ADGRL2: variants seen among roughly 807,000 people sequenced by gnomAD.
The protein encoded by ADGRL2 is adhesion G protein-coupled receptor L2.
A neutral mutation model predicts 157.4 loss-of-function variants in ADGRL2; 44 were observed. The observed-to-expected ratio is 0.28, with a 90% CI of 0.22 to 0.36. ADGRL2 has a LOEUF of 0.36. Ranked by LOEUF, ADGRL2 falls within the 10% of genes least tolerant of loss-of-function variation. ADGRL2 has a pLI of 1.00. For missense variants in ADGRL2, 1,510 were observed against 1,768.9 expected (o/e 0.85, Z 2.63); for synonymous variants, 585 against 624.7 (o/e 0.94, Z 0.95).
At chr1:81,604,546 T>G (rs1364372699) in intron 3 of ADGRL2, among the ~76,000 whole-genome samples, 3 of 152,330 alleles carry the variant, frequency 2.0e-5, no homozygotes, top group Admixed American at 2.0e-4. Flanking sequence ...TGTTGAGATT[T>G]TATAAGTGCT....
chr1:81,917,128 C>A (rs552457098), intron 3 of ADGRL2, among the ~76,000 whole-genome samples: 55 of 152,004 alleles, frequency 3.6e-4, no homozygotes, highest in African/African-American at 1.3e-3. Context: ...CCACTCCTGG[C>A]GAGATAATTT....
At chr1:81,360,237 T>C (rs2075954862) in intron 1 of ADGRL2, among the ~76,000 whole-genome samples, 1 of 152,050 alleles carries the variant, frequency 6.6e-6, no homozygotes, top group Admixed American at 6.6e-5. Flanking sequence ...TTGAACTGGC[T>C]ATTTCCTCTG....
intron 3 of ADGRL2, among the ~76,000 whole-genome samples, chr1:81,648,744 C>A (rs150499154): frequency 6.6e-6 from 1 of 152,102 alleles, no homozygotes; most frequent in Non-Finnish European, 1.5e-5. Context: ...TTCATTCTAA[C>A]CAACCCATTT....
At chr1:81,802,664 G>T (rs1410649970) in intron 1 of ADGRL2, among the ~76,000 whole-genome samples, 3 of 152,100 alleles carry the variant, frequency 2.0e-5, no homozygotes, top group African/African-American at 7.2e-5. Context: ...CCTCGGCGGA[G>T]CTTATTTGCT....
At chr1:81,411,322 T>G (rs1438362683) in intron 1 of ADGRL2, among the ~76,000 whole-genome samples, 1 of 152,234 alleles carries the variant, frequency 6.6e-6, no homozygotes, top group Non-Finnish European at 1.5e-5. Flanking sequence ...TTAGCCATTA[T>G]AACAATTTAA....
intron 3 of ADGRL2, among the ~76,000 whole-genome samples, chr1:81,646,840 A>G (rs1477669151): frequency 6.6e-6 from 1 of 152,138 alleles, no homozygotes; most frequent in Non-Finnish European, 1.5e-5. Context: ...CAATTTTCTT[A>G]TTACTTAAAT....
At chr1:81,933,006 A>C (rs1263468059) in intron 3 of ADGRL2, among the ~76,000 whole-genome samples, 1 of 152,086 alleles carries the variant, frequency 6.6e-6, no homozygotes, top group East Asian at 1.9e-4. Context: ...CTGGCCAATA[A>C]TTTGTATTTC....
intron 19 of ADGRL2, 114 bp downstream of exon 19, chr1:81,982,090 A>G (rs1661821972): frequency 7.1e-6 from 6 of 841,402 alleles, no homozygotes; most frequent in Non-Finnish European, 8.7e-6. Flanking sequence ...AGAGCATTAT[A>G]TTTTTAATTA....
At chr1:81,331,025 T>G (rs777925735) in intron 1 of ADGRL2, among the ~76,000 whole-genome samples, 1 of 152,182 alleles carries the variant, frequency 6.6e-6, no homozygotes, top group Non-Finnish European at 1.5e-5. Flanking sequence ...CATATTTGCA[T>G]GCCCCATAGT....
intron 3 of ADGRL2, among the ~76,000 whole-genome samples, chr1:81,661,375 G>A (rs564350017): frequency 6.6e-6 from 1 of 152,142 alleles, no homozygotes; most frequent in Admixed American, 6.5e-5. Context: ...ACACGTTTTT[G>A]GTTGCTCAGG....
chr1:81,675,315 TA>T (rs1437042409), intron 3 of ADGRL2, among the ~76,000 whole-genome samples: 1 of 152,206 alleles, frequency 6.6e-6, no homozygotes, highest in Non-Finnish European at 1.5e-5. Context: ...GAATCAGTAA[TA>T]CTGAAAAATT....
chr1:81,923,495 G>T (rs2095035601), intron 3 of ADGRL2, among the ~76,000 whole-genome samples: 1 of 151,848 alleles, frequency 6.6e-6, no homozygotes, highest in African/African-American at 2.4e-5. Flanking sequence ...TTCCCTACTT[G>T]CTCTACTGCT....
intron 1 of ADGRL2, among the ~76,000 whole-genome samples, chr1:81,743,146 T>G (rs2085126488): frequency 6.6e-6 from 1 of 151,764 alleles, no homozygotes; most frequent in Non-Finnish European, 1.5e-5. Flanking sequence ...AAACAGAAAG[T>G]TTGAAGTACT....
intron 2 of ADGRL2, among the ~76,000 whole-genome samples, chr1:81,523,659 G>C (rs183309580): frequency 7.1e-4 from 108 of 152,272 alleles, no homozygotes; most frequent in African/African-American, 2.5e-3. Flanking sequence ...GTATCAGATT[G>C]GCAAAGATCC....
intron 1 of ADGRL2, among the ~76,000 whole-genome samples, chr1:81,363,620 T>A (rs1342971280): frequency 6.6e-6 from 1 of 152,108 alleles, no homozygotes; most frequent in Non-Finnish European, 1.5e-5. Flanking sequence ...ATCAAATAAA[T>A]GACAAGTGTC....
chr1:81,495,644 G>C (rs1217950370), intron 2 of ADGRL2, among the ~76,000 whole-genome samples: 1 of 152,090 alleles, frequency 6.6e-6, no homozygotes, highest in Non-Finnish European at 1.5e-5. Flanking sequence ...AGAAATCATT[G>C]AAACAGCACA....
At chr1:81,840,745 G>A (rs977436365) in intron 2 of ADGRL2, among the ~76,000 whole-genome samples, 14 of 151,810 alleles carry the variant, frequency 9.2e-5, no homozygotes, top group Non-Finnish European at 1.8e-4. Flanking sequence ...CGTATTTTGG[G>A]GAAAATTATA....
intron 1 of ADGRL2, among the ~76,000 whole-genome samples, chr1:81,402,020 G>A (rs143626355): frequency 2.0e-5 from 3 of 152,140 alleles, no homozygotes; most frequent in Admixed American, 6.5e-5. Context: ...AATTCCAAGA[G>A]ATGTAAACTA....
chr1:81,977,578 C>G (rs912024586), intron 17 of ADGRL2, among the ~76,000 whole-genome samples: 2 of 146,702 alleles, frequency 1.4e-5, no homozygotes, highest in Non-Finnish European at 3.0e-5. Flanking sequence ...TTTTCTACTC[C>G]TCTTCTTTTT....
Sources: gnomAD v4.1 joint callset for allele counts (sites outside exome capture counted in the v4.1 genomes callset) on GRCh38, gnomAD v4.1.1 for gene constraint, MANE v1.5 for transcripts, NCBI Gene and HGNC (gene_info 2026-07-23, HGNC 2026-07-21) for gene names.